The following SLC43A2 variants were observed in gnomAD, a reference collection of about 807,000 sequenced individuals.
SLC43A2 encodes large neutral amino acids transporter small subunit 4.
Under a neutral mutation model 63.2 loss-of-function variants are expected in SLC43A2, and 38 were observed. The observed-to-expected ratio is 0.60, with a 90% CI of 0.46 to 0.79. The LOEUF is 0.79. Among genes scored for constraint, SLC43A2 ranks in the 30% least tolerant of loss-of-function variants. The pLI is 0.00. For synonymous variants in SLC43A2, 322 were observed against 331.0 expected, an observed-to-expected ratio of 0.97 and a Z score of 0.30; for missense variants, 644 against 756.2, an observed-to-expected ratio of 0.85 and a Z score of 1.74.
chr17:1,579,460 CA>C (rs796090950), intron 11 of SLC43A2, among the ~76,000 whole-genome samples: 188 of 101,190 alleles, frequency 1.9e-3, no homozygotes, highest in African/African-American at 3.5e-3. Flanking sequence ...GACTCTGTCT[CA>C]AAAAAAAAAA....
Position 1,573,488 on chromosome 17 carries a change from G to A in SLC43A2, c.*2116C>T, listed in dbSNP as rs2075876815. The A allele has an allele frequency of 6.6e-6, 1 of 152,270 alleles. No homozygotes were observed. The allele number at this position is 152,270 out of a possible 1,614,324, so 9.4% of individuals were successfully genotyped here. ...CGTTGGCAAAGTGCTGTCAGTGCTGGCTGTAAGGAAACAGGCTTGACTTTT... is the reference window on the plus strand; with the variant it reads ...CGTTGGCAAAGTGCTGTCAGTGCTGACTGTAAGGAAACAGGCTTGACTTTT... On this transcript the variant is annotated 3_prime_UTR_variant, in exon 14 of 14. Coordinates refer to ENST00000301335, the MANE Select transcript of SLC43A2 (RefSeq NM_152346.3).
intron 2 of SLC43A2, among the ~76,000 whole-genome samples, chr17:1,622,570 A>G (rs1908268747): frequency 2.0e-5 from 3 of 149,324 alleles, no homozygotes; most frequent in Admixed American, 2.0e-4. Context: ...GTCTCAAAAA[A>G]AAAAAAACTA....
chr17:1,606,458 C>T lies in SLC43A2; in HGVS notation c.501+6737G>A, dbSNP rs147037677. Among the ~76,000 whole-genome samples, 89 of 152,300 alleles carry T rather than the reference C, an allele frequency of 5.8e-4. No individual in the cohort carries two copies. Among genetic ancestry groups the T allele is most frequent in the Non-Finnish European group, 1.0e-3 (71 of 68,016 alleles). ...GGGAGCCTGGCAACATTTTGAAACC[C>T]GCTTTTCTGTGTGGCTTCTGCTGAG... On this transcript the variant is annotated intron_variant, in intron 5 of 13. Coordinates refer to ENST00000301335, the MANE Select transcript of SLC43A2 (RefSeq NM_152346.3). This position sits in a 1 kb window ranked among gnomAD's most constrained non-coding sequence, Gnocchi z 4.7.
chr17:1,586,067 C>G lies in SLC43A2; in HGVS notation c.1079-16G>C. 1 of 1,569,988 alleles carries G rather than the reference C, an allele frequency of 6.4e-7. No individual in the cohort carries two copies. On this transcript the variant is annotated splice_polypyrimidine_tract_variant and intron_variant, in intron 9 of 13. Coordinates refer to ENST00000301335, the MANE Select transcript of SLC43A2 (RefSeq NM_152346.3). The stretch of plus-strand genomic sequence containing the variant: ...TAGAGGCCAACTGTGGAGGAAGGCG[C>G]TGCGTCATGGGGACGCCTGGCAGAC...
Position 1,586,071 on chromosome 17 carries a change from G to C in SLC43A2, c.1079-20C>G. 6.4e-7 allele frequency: 1 copy of C among 1,563,350 alleles called. No individual in the cohort carries two copies. Among genetic ancestry groups the C allele is most frequent in the Non-Finnish European group, 8.7e-7 (1 of 1,153,648 alleles). ...GGCCAACTGTGGAGGAAGGCGCTGC[G>C]TCATGGGGACGCCTGGCAGACAGCC... On this transcript the variant is annotated intron_variant, in intron 9 of 13. Transcript: ENST00000301335.
chr17:1,575,821 G>C (rs1197134495), intron 13 of SLC43A2, 56 bp from the exon 14 acceptor site: 1 of 1,534,740 alleles, frequency 6.5e-7, no homozygotes, highest in Admixed American at 2.0e-5. Context: ...CGAGGCTGCA[G>C]ACCCGCCCTC....
intron 3 of SLC43A2, 142 bp from the exon 4 acceptor site, chr17:1,615,176 C>T (rs1206287362): frequency 8.9e-6 from 8 of 896,848 alleles, no homozygotes; most frequent in East Asian, 2.8e-5. Context: ...GGCGCGATCT[C>T]GGCTCACTGC....
At chr17:1,604,009 C>T (rs887359465) in intron 5 of SLC43A2, among the ~76,000 whole-genome samples, 8 of 152,070 alleles carry the variant, frequency 5.3e-5, no homozygotes, top group Non-Finnish European at 7.4e-5. Flanking sequence ...ATCCAATCTG[C>T]GCCCTTCAAC....
At chr17:1,576,769 T>G in intron 12 of SLC43A2, 49 bp from the exon 13 acceptor site, 1 of 1,593,848 alleles carries the variant, frequency 6.3e-7, no homozygotes, top group Non-Finnish European at 8.5e-7. Flanking sequence ...TGGGCTTTGC[T>G]TGGCCCCAGG....
chr17:1,625,107 G>A (rs916158766), intron 2 of SLC43A2, among the ~76,000 whole-genome samples: 1 of 152,184 alleles, frequency 6.6e-6, no homozygotes, highest in African/African-American at 2.4e-5. Context: ...TCACCAGGGG[G>A]ACGAGGGAGG....
intron 5 of SLC43A2, among the ~76,000 whole-genome samples, chr17:1,598,558 A>C (rs9894482): frequency 0.049 from 7,505 of 152,270 alleles, 553 homozygotes; most frequent in African/African-American, 0.15. Context: ...TTGGGTAAAA[A>C]GAGTGTCTCA....
Position 1,613,166 on chromosome 17 carries a change from C to T in SLC43A2, c.501+29G>A, listed in dbSNP as rs1298043258. On this transcript the variant is annotated intron_variant, in intron 5 of 13. Coordinates refer to ENST00000301335, the MANE Select transcript of SLC43A2 (RefSeq NM_152346.3). ...TCAAATTTAGAAACAGATTACTGAA[C>T]TACAGAGCTTTAAAAAATCTGTACT... is the stretch of plus-strand genomic sequence containing the variant. 1.9e-6 allele frequency: 3 copies of T among 1,583,434 alleles called. No individual in the cohort carries two copies. In the African/African-American group the frequency reaches 4.0e-5, roughly 21 times the overall value.
chr17:1,576,786 G>C, intron 12 of SLC43A2, 66 bp from the exon 13 acceptor site: 1 of 1,583,380 alleles, frequency 6.3e-7, no homozygotes, highest in Admixed American at 1.8e-5. Context: ...CAGGTGTCTG[G>C]TGACCCCGGG....
intron 11 of SLC43A2, among the ~76,000 whole-genome samples, chr17:1,581,195 C>G (rs1355734021): frequency 7.0e-6 from 1 of 142,584 alleles, no homozygotes; most frequent in East Asian, 2.1e-4. Flanking sequence ...AGGGCTGTGC[C>G]CAGTGCCCAC....
At chr17:1,598,490 C>T (rs1905545468) in intron 5 of SLC43A2, among the ~76,000 whole-genome samples, 1 of 151,694 alleles carries the variant, frequency 6.6e-6, no homozygotes, top group Non-Finnish European at 1.5e-5. Context: ...AAGCCCAGAG[C>T]CTGGCTCCCT....
chr17:1,590,829 A>C lies in SLC43A2; in HGVS notation c.1051T>G (p.Phe351Val), dbSNP rs1172016290. Reference protein sequence around the residue: ...YMGAMNNILKFLVSGDQKTVG... With the variant: ...YMGAMNNILKVLVSGDQKTVG... Reference sequence around the variant, plus strand: ...GTCTTCTGGTCGCCGCTGACCAGGAACTTGAGGATGTTGTTCATAGCCCCC... The same window carrying C: ...GTCTTCTGGTCGCCGCTGACCAGGACCTTGAGGATGTTGTTCATAGCCCCC... The change falls in exon 9 of 14, where the codon TTC (phenylalanine) becomes GTC (valine). Residue 351 changes from phenylalanine (F) to valine (V), a missense_variant. Physicochemically the swap from Phe to Val is conservative, Grantham distance 50. Around this residue, in one of 3 missense-constraint regions of SLC43A2, gnomAD observed 528 missense variants for 623.6 expected, o/e 0.85. Transcript: ENST00000301335. 6.4e-7 allele frequency: 1 copy of C among 1,555,920 alleles called. No homozygotes were observed. Among genetic ancestry groups the C allele is most frequent in the Admixed American group, 2.0e-5 (1 of 51,052 alleles).
intron 5 of SLC43A2, among the ~76,000 whole-genome samples, chr17:1,608,416 C>T (rs959508786): frequency 8.6e-5 from 13 of 151,688 alleles, no homozygotes; most frequent in Admixed American, 6.6e-4. Flanking sequence ...TTTTTTAAGA[C>T]GGAGTCTCAC....
chr17:1,625,072 T>C (rs977862349), intron 2 of SLC43A2, among the ~76,000 whole-genome samples: 1 of 152,152 alleles, frequency 6.6e-6, no homozygotes, highest in African/African-American at 2.4e-5. Flanking sequence ...CTTCTCGGGC[T>C]GAGAACCCAA....
chr17:1,575,702 A>G lies in SLC43A2; in HGVS notation c.1612T>C (p.Tyr538His). The G allele has an allele frequency of 1.2e-6, 2 of 1,614,046 alleles. No individual in the cohort carries two copies. The highest frequency in any genetic ancestry group is 1.7e-6 in the Non-Finnish European group (2 of 1,180,010). Residue 538 changes from tyrosine (Y) to histidine (H), a missense_variant, in exon 14 of 14, where the codon TAC becomes CAC. Tyr to His is a moderately conservative substitution (Grantham distance 83). Transcript: ENST00000301335. ...GFCLPLYLIC[Y>H]RRQLERQLQQ... ...AGCTGCCGCTCCAGCTGGCGCCGGT[A>G]GCAGATCAGGTAGAGCGGGAGGCAG...
Sources: allele counts gnomAD v4.1 joint callset (sites outside exome capture counted in the v4.1 genomes callset), GRCh38; gene constraint gnomAD v4.1.1; regional missense constraint gnomAD v4.1.1; non-coding constraint Gnocchi (gnomAD v3.1); transcripts MANE v1.5; gene names NCBI Gene and HGNC (gene_info 2026-07-23, HGNC 2026-07-21).